Variants in UBE2E2 observed in about 807,000 individuals in gnomAD.
UBE2E2 encodes ubiquitin conjugating enzyme E2 E2.
A neutral mutation model predicts 24.7 loss-of-function variants in UBE2E2; 6 were observed. The observed-to-expected ratio is 0.24, with a 90% CI of 0.13 to 0.48. The LOEUF (loss-of-function observed/expected upper bound fraction) is 0.48. Among genes scored for constraint, UBE2E2 ranks in the 20% least tolerant of loss-of-function variants. The pLI is 0.99. For synonymous variants in UBE2E2, 104 were observed against 83.6 expected, an observed-to-expected ratio of 1.24 and a Z score of -1.33; for missense variants, 169 against 245.0, an observed-to-expected ratio of 0.69 and a Z score of 2.07.
chr3:23,584,285 C>T (rs1457888330), intron 5 of UBE2E2, among the ~76,000 whole-genome samples: 2 of 152,114 alleles, frequency 1.3e-5, no homozygotes, highest in African/African-American at 2.4e-5. Context: ...GGTGGATTTG[C>T]TTTTTTGTAT....
intron 3 of UBE2E2, among the ~76,000 whole-genome samples, chr3:23,486,907 C>T (rs1699385391): frequency 1.3e-5 from 2 of 152,198 alleles, no homozygotes; most frequent in Admixed American, 1.3e-4. Context: ...CAGCCCAGTC[C>T]CCAGACTTCA....
At chr3:23,576,920 T>TG (rs1431782377) in intron 5 of UBE2E2, among the ~76,000 whole-genome samples, 1 of 134,476 alleles carries the variant, frequency 7.4e-6, no homozygotes, top group Non-Finnish European at 1.6e-5. Flanking sequence ...CTGTTGTTAT[T>TG]GTTTTTTTTT....
chr3:23,315,994 C>T (rs1421623855), intron 3 of UBE2E2, among the ~76,000 whole-genome samples: 1 of 152,124 alleles, frequency 6.6e-6, no homozygotes, highest in Non-Finnish European at 1.5e-5. Flanking sequence ...TCTCTCTGTG[C>T]TGAGCTACCC....
chr3:23,287,212 A>G (rs1224126734), intron 3 of UBE2E2, among the ~76,000 whole-genome samples: 1 of 152,178 alleles, frequency 6.6e-6, no homozygotes, highest in Non-Finnish European at 1.5e-5. Context: ...TGTTGGTATT[A>G]TGTATCACAC....
intron 3 of UBE2E2, among the ~76,000 whole-genome samples, chr3:23,362,578 G>T (rs1312383104): frequency 2.6e-5 from 4 of 152,110 alleles, no homozygotes; most frequent in Non-Finnish European, 4.4e-5. Context: ...AGAGGTCCTG[G>T]CTTGCTATTG....
At chr3:23,322,768 G>A (rs1056065777) in intron 3 of UBE2E2, among the ~76,000 whole-genome samples, 8 of 152,012 alleles carry the variant, frequency 5.3e-5, no homozygotes, top group Admixed American at 2.0e-4. Context: ...GAAGCAGTGC[G>A]TAGTATTTTT....
At chr3:23,468,555 G>A (rs140130996) in intron 3 of UBE2E2, among the ~76,000 whole-genome samples, 5 of 152,324 alleles carry the variant, frequency 3.3e-5, no homozygotes, top group Admixed American at 3.3e-4. Context: ...TAATGGAAAT[G>A]TAATGGAGAA....
intron 3 of UBE2E2, among the ~76,000 whole-genome samples, chr3:23,410,299 G>A (rs1575611490): frequency 6.6e-6 from 1 of 152,108 alleles, no homozygotes; most frequent in South Asian, 2.1e-4. Context: ...CTCTTCCTCT[G>A]CAGCATTTAA....
chr3:23,349,583 C>A (rs1376101319), intron 3 of UBE2E2, among the ~76,000 whole-genome samples: 1 of 152,242 alleles, frequency 6.6e-6, no homozygotes, highest in Admixed American at 6.5e-5. Flanking sequence ...GAGATTATAT[C>A]CCACGCAAGG....
At chr3:23,452,843 G>T (rs1024396358) in intron 3 of UBE2E2, among the ~76,000 whole-genome samples, 1 of 152,136 alleles carries the variant, frequency 6.6e-6, no homozygotes, top group African/African-American at 2.4e-5. Context: ...AGTTAGGATG[G>T]ACAAGTTCTT....
chr3:23,546,598 C>T (rs975568732), intron 5 of UBE2E2, among the ~76,000 whole-genome samples: 54 of 151,088 alleles, frequency 3.6e-4, no homozygotes, highest in African/African-American at 1.3e-3. Context: ...CTCAGCCTCC[C>T]GAGTAGCTGA....
At chr3:23,390,782 CCT>C (rs1696915995) in intron 3 of UBE2E2, among the ~76,000 whole-genome samples, 1 of 152,204 alleles carries the variant, frequency 6.6e-6, no homozygotes, top group Non-Finnish European at 1.5e-5. Context: ...GAGCCATACC[CCT>C]GTTGCAAGTC....
chr3:23,352,301 C>T (rs1485161706), intron 3 of UBE2E2, among the ~76,000 whole-genome samples: 1 of 151,990 alleles, frequency 6.6e-6, no homozygotes, highest in Non-Finnish European at 1.5e-5. Flanking sequence ...AAAATTGACA[C>T]CCTAACATCA....
intron 3 of UBE2E2, among the ~76,000 whole-genome samples, chr3:23,339,040 ATCT>A (rs969474784): frequency 2.0e-5 from 3 of 152,210 alleles, no homozygotes; most frequent in Non-Finnish European, 2.9e-5. Flanking sequence ...GAAAATGGAC[ATCT>A]TCTTAACCAA....
At chr3:23,456,111 T>C (rs1271373984) in intron 3 of UBE2E2, among the ~76,000 whole-genome samples, 1 of 152,246 alleles carries the variant, frequency 6.6e-6, no homozygotes. Context: ...GTAATCACTT[T>C]CTTTGCTTAT....
intron 3 of UBE2E2, among the ~76,000 whole-genome samples, chr3:23,253,804 A>G (rs955934526): frequency 2.6e-5 from 4 of 152,218 alleles, no homozygotes; most frequent in African/African-American, 7.2e-5. Context: ...ATGCATATGA[A>G]AGGACTAGAT....
intron 4 of UBE2E2, among the ~76,000 whole-genome samples, chr3:23,500,036 G>A (rs1241570516): frequency 6.6e-6 from 1 of 151,976 alleles, no homozygotes; most frequent in African/African-American, 2.4e-5. Context: ...TGAAAATGGG[G>A]GCATAAGGTT....
intron 3 of UBE2E2, among the ~76,000 whole-genome samples, chr3:23,488,167 T>C (rs529424521): frequency 1.3e-5 from 2 of 152,156 alleles, no homozygotes; most frequent in Non-Finnish European, 2.9e-5. Flanking sequence ...AAACAACTTG[T>C]CTTGATAATA....
At chr3:23,381,159 T>C (rs537630021) in intron 3 of UBE2E2, among the ~76,000 whole-genome samples, 56 of 152,368 alleles carry the variant, frequency 3.7e-4, no homozygotes, top group African/African-American at 1.3e-3. Flanking sequence ...TTTTTGTTTT[T>C]ATTTTCCCAC....
Sources: allele counts gnomAD v4.1 joint callset (sites outside exome capture counted in the v4.1 genomes callset), GRCh38; gene constraint gnomAD v4.1.1; transcripts MANE v1.5; gene names NCBI Gene and HGNC (gene_info 2026-07-23, HGNC 2026-07-21).